The following SPTBN1 variants were observed in gnomAD, a reference collection of about 807,000 sequenced individuals.
SPTBN1 encodes the protein spectrin beta chain, non-erythrocytic 1.
SPTBN1 carries 32 observed loss-of-function variants against 266.4 expected under a neutral mutation model. The observed-to-expected ratio is 0.12, with a 90% confidence interval of 0.09 to 0.16. SPTBN1 has a LOEUF of 0.16. Ranked by LOEUF, SPTBN1 falls within the 10% of genes least tolerant of loss-of-function variation. The pLI is 1.00. For missense variants in SPTBN1, 2,296 were observed against 3,067.1 expected (o/e 0.75, Z 5.94); for synonymous variants, 1,336 against 1,162.2 (o/e 1.15, Z -3.04).
At chr2:54,577,639 T>TTG (rs1674583406) in intron 2 of SPTBN1, among the ~76,000 whole-genome samples, 1 of 152,210 alleles carries the variant, frequency 6.6e-6, no homozygotes, top group Non-Finnish European at 1.5e-5. Context: ...CATAGCGTCC[T>TTG]TGTGTGATGT....
chr2:54,543,864 C>CA (rs1176120838), intron 2 of SPTBN1, among the ~76,000 whole-genome samples: 3 of 152,092 alleles, frequency 2.0e-5, no homozygotes, highest in Non-Finnish European at 4.4e-5. Flanking sequence ...GGGAGAGAGA[C>CA]ATGGTCAGTG....
chr2:54,616,118 A>G, intron 4 of SPTBN1, 89 bp from the exon 5 acceptor site: 3 of 1,070,974 alleles, frequency 2.8e-6, no homozygotes, highest in Non-Finnish European at 4.1e-6. Flanking sequence ...TCTACAGTTT[A>G]TTCTTTATGT....
At chr2:54,603,162 G>C (rs1676609239) in intron 3 of SPTBN1, among the ~76,000 whole-genome samples, 1 of 152,146 alleles carries the variant, frequency 6.6e-6, no homozygotes. Flanking sequence ...AACCTTAGTA[G>C]GAGGGTAGGG....
chr2:54,592,088 G>A (rs1558876727), intron 2 of SPTBN1, among the ~76,000 whole-genome samples: 2 of 152,152 alleles, frequency 1.3e-5, no homozygotes, highest in Non-Finnish European at 2.9e-5. Context: ...GATTGCTTCA[G>A]CCCAGGAGTC....
intron 32 of SPTBN1, chr2:54,660,635 C>G: frequency 1.0e-6 from 1 of 985,446 alleles, no homozygotes; most frequent in Non-Finnish European, 1.2e-6. Context: ...ATTCTGGAAG[C>G]TATTTTAATT....
chr2:54,522,673 A>AG (rs1425103362), intron 1 of SPTBN1, among the ~76,000 whole-genome samples: 7 of 98,162 alleles, frequency 7.1e-5, no homozygotes, highest in Non-Finnish European at 1.1e-4. Context: ...AGAGAGAGAG[A>AG]GAGAGGAGAG....
chr2:54,526,279 G>T, intron 1 of SPTBN1, 93 bp from the exon 2 acceptor site: 1 of 1,037,692 alleles, frequency 9.6e-7, no homozygotes. Flanking sequence ...GGCAAGCACT[G>T]TTTTTATTTT....
At chr2:54,624,408 G>A (rs937505312) in intron 10 of SPTBN1, among the ~76,000 whole-genome samples, 8 of 152,298 alleles carry the variant, frequency 5.3e-5, no homozygotes, top group African/African-American at 1.9e-4. Flanking sequence ...TTTTTTAAAA[G>A]TGGCCCAGGG....
chr2:54,665,897 T>G lies in SPTBN1; in HGVS notation c.6660-18T>G. Reference sequence around the variant, plus strand: ...TAGAGCCTTTATCTCCCCCTGCCCTTTTTTTTAAACTGCACAGGTCCTGGC... The same window carrying G: ...TAGAGCCTTTATCTCCCCCTGCCCTGTTTTTTAAACTGCACAGGTCCTGGC... On this transcript the variant is annotated intron_variant, in intron 33 of 35. Transcript: ENST00000356805. The G allele has an allele frequency of 1.3e-6, 2 of 1,597,586 alleles. No homozygotes were observed. Among genetic ancestry groups the G allele is most frequent in the South Asian group, 2.3e-5 (2 of 87,890 alleles).
At chr2:54,634,807 A>G (rs1296315998) in intron 17 of SPTBN1, among the ~76,000 whole-genome samples, 1 of 152,212 alleles carries the variant, frequency 6.6e-6, no homozygotes, top group Non-Finnish European at 1.5e-5. Context: ...GTACCAGAAC[A>G]AAGACACTGA....
intron 34 of SPTBN1, among the ~76,000 whole-genome samples, chr2:54,666,750 G>A (rs547677395): frequency 1.3e-5 from 2 of 152,330 alleles, no homozygotes; most frequent in Admixed American, 6.5e-5. Context: ...TTACTGATTT[G>A]TGCTGTTGCT....
intron 4 of SPTBN1, among the ~76,000 whole-genome samples, chr2:54,614,624 G>T (rs922527682): frequency 2.0e-5 from 3 of 151,960 alleles, no homozygotes; most frequent in South Asian, 2.1e-4. Flanking sequence ...CCAACATGAC[G>T]ATACCCTGCC....
chr2:54,638,461 C>T (rs1372137479), intron 18 of SPTBN1, among the ~76,000 whole-genome samples: 1 of 152,232 alleles, frequency 6.6e-6, no homozygotes, highest in Non-Finnish European at 1.5e-5. Flanking sequence ...GTGTATCTAA[C>T]ATGCAAAGAG....
At chr2:54,458,408 T>C (rs1013166044) in intron 1 of SPTBN1, among the ~76,000 whole-genome samples, 2 of 152,202 alleles carry the variant, frequency 1.3e-5, no homozygotes, top group African/African-American at 4.8e-5. Context: ...TATTAAGGAT[T>C]ATTAGGTGTA....
At chr2:54,639,452 A>G (rs78570777) in intron 18 of SPTBN1, among the ~76,000 whole-genome samples, 9,679 of 152,254 alleles carry the variant, frequency 0.064, 381 homozygotes, top group Admixed American at 0.1. Context: ...AGTTAGTAAG[A>G]TGAAATTCAT....
At chr2:54,629,830 G>A in intron 14 of SPTBN1, 27 bp downstream of exon 14, 1 of 1,612,028 alleles carries the variant, frequency 6.2e-7, no homozygotes, top group South Asian at 1.1e-5. Context: ...TCAGCCACTG[G>A]CCTGTTCCTT....
intron 1 of SPTBN1, among the ~76,000 whole-genome samples, chr2:54,458,254 TTATAAG>T (rs1386372926): frequency 2.0e-5 from 3 of 152,240 alleles, no homozygotes; most frequent in African/African-American, 7.2e-5. Context: ...ACTAAGACAT[TTATAAG>T]TATATTAAAA....
chr2:54,563,593 CTTTTTTTTTTT>C (rs750173696), intron 2 of SPTBN1, among the ~76,000 whole-genome samples: 30 of 64,440 alleles, frequency 4.7e-4, no homozygotes, highest in African/African-American at 1.4e-3. Context: ...AAAATTTATT[CTTTTTTTTTTT>C]TTTTTTTTTT....
intron 2 of SPTBN1, among the ~76,000 whole-genome samples, chr2:54,565,210 A>G (rs551201766): frequency 6.6e-6 from 1 of 152,196 alleles, no homozygotes; most frequent in Non-Finnish European, 1.5e-5. Context: ...CATTTGTACA[A>G]TCTTTGCAAA....
Sources: allele counts gnomAD v4.1 joint callset (sites outside exome capture counted in the v4.1 genomes callset), GRCh38; gene constraint gnomAD v4.1.1; transcripts MANE v1.5; gene names NCBI Gene and HGNC (gene_info 2026-07-23, HGNC 2026-07-21).